The following JDP2 variants were observed in gnomAD, a reference collection of about 807,000 sequenced individuals.
The protein encoded by JDP2 is progesterone receptor co-activator.
Under a neutral mutation model 17.1 loss-of-function variants are expected in JDP2, and 9 were observed. The ratio of observed to expected loss-of-function variants is 0.53; its 90% CI spans 0.32 to 0.92. The LOEUF (loss-of-function observed/expected upper bound fraction) is 0.92, where lower values mean the gene tolerates loss of function less well. Among genes scored for constraint, JDP2 ranks in the 40% least tolerant of loss-of-function variants. The probability of loss-of-function intolerance (pLI) is 0.04; values close to 1 mark genes in which losing one functional copy is unlikely to be tolerated. For synonymous variants in JDP2, 107 were observed against 95.6 expected (o/e 1.12, Z -0.69); for missense variants, 179 against 220.0 (o/e 0.81, Z 1.18).
chr14:75,461,409 G>A lies in JDP2; in HGVS notation c.202-17G>A, dbSNP rs1295432604. 1 of 1,584,466 alleles carries A rather than the reference G, an allele frequency of 6.3e-7. No homozygotes were observed. ...AGCCTGCCTCAGTGTCTAATCAGTG[G>A]CTCTGTGCCCTCACAGCTAGATGAG... On this transcript the variant is annotated splice_polypyrimidine_tract_variant and intron_variant, in intron 2 of 3. Transcript: ENST00000651602.
chr14:75,456,824 C>T (rs911834369), intron 2 of JDP2, among the ~76,000 whole-genome samples: 1 of 152,192 alleles, frequency 6.6e-6, no homozygotes, highest in Non-Finnish European at 1.5e-5. Context: ...ATTCATGCCT[C>T]GTCCAGTCAG....
intron 1 of JDP2, chr14:75,432,098 C>CG (rs1430726805): frequency 3.8e-5 from 22 of 580,598 alleles, no homozygotes; most frequent in Non-Finnish European, 5.2e-5. Context: ...TCTTAACCCC[C>CG]CCTTCCTCTT....
chr14:75,438,042 G>T lies in JDP2; in HGVS notation c.122G>T (p.Arg41Leu). ...TVEELKYADI[R>L]NLGAMIAPLH... ...GAGGAGCTGAAATACGCTGACATCC[G>T]CAACCTCGGGGCCATGATTGCACCC... Residue 41 changes from arginine to leucine, a missense_variant, in exon 2 of 4, where the codon CGC becomes CTC. Physicochemically the swap from Arg to Leu is moderately radical, Grantham distance 102 (BLOSUM62 -2). Transcript: ENST00000651602. The T allele has an allele frequency of 6.2e-7, 1 of 1,613,868 alleles. No individual in the cohort carries two copies. Among genetic ancestry groups the T allele is most frequent in the Non-Finnish European group, 8.5e-7 (1 of 1,179,872 alleles).
chr14:75,446,094 C>T (rs764698872), intron 2 of JDP2, among the ~76,000 whole-genome samples: 2 of 152,028 alleles, frequency 1.3e-5, no homozygotes, highest in Non-Finnish European at 2.9e-5. Context: ...AAGTCAAAAA[C>T]CACAATGAGA....
chr14:75,438,520 A>T (rs963674429), intron 2 of JDP2, among the ~76,000 whole-genome samples: 2 of 152,110 alleles, frequency 1.3e-5, no homozygotes, highest in Non-Finnish European at 2.9e-5. Flanking sequence ...TAGACAAGAG[A>T]ATGCCAATAT....
intron 3 of JDP2, among the ~76,000 whole-genome samples, chr14:75,462,194 C>T (rs527332544): frequency 1.3e-5 from 2 of 152,332 alleles, no homozygotes; most frequent in South Asian, 4.1e-4. Flanking sequence ...TCTCCCAAGT[C>T]CTGCCTCTCA....
At chr14:75,460,555 T>G (rs1348282248) in intron 2 of JDP2, among the ~76,000 whole-genome samples, 4 of 152,126 alleles carry the variant, frequency 2.6e-5, no homozygotes, top group Non-Finnish European at 5.9e-5. Flanking sequence ...AGGAAGTGCC[T>G]GGGAACCACT....
chr14:75,465,032 G>A (rs1416302345), intron 3 of JDP2, among the ~76,000 whole-genome samples: 3 of 152,242 alleles, frequency 2.0e-5, no homozygotes, highest in Non-Finnish European at 4.4e-5. Flanking sequence ...AAGAGGAAAG[G>A]CAGTCCTATC....
intron 2 of JDP2, among the ~76,000 whole-genome samples, chr14:75,458,102 G>A (rs1418549787): frequency 1.3e-5 from 2 of 152,196 alleles, no homozygotes; most frequent in Non-Finnish European, 1.5e-5. Flanking sequence ...ACAAACCGAC[G>A]CTTGTGGTAG....
intron 3 of JDP2, among the ~76,000 whole-genome samples, chr14:75,468,159 TTGAC>T (rs1289449701): frequency 6.6e-6 from 1 of 152,180 alleles, no homozygotes; most frequent in Admixed American, 6.5e-5. Context: ...TGCTTGCTCT[TTGAC>T]TGATACAAGT....
At chr14:75,437,808 G>T (rs1013754579) in intron 1 of JDP2, 90 bp from the exon 2 acceptor site, 16 of 843,572 alleles carry the variant, frequency 1.9e-5, no homozygotes, top group Non-Finnish European at 2.8e-5. Context: ...ATTGGTGAAA[G>T]AAGCCACAGT....
chr14:75,452,775 G>A (rs766136782), intron 2 of JDP2, among the ~76,000 whole-genome samples: 2 of 152,160 alleles, frequency 1.3e-5, no homozygotes, highest in Non-Finnish European at 2.9e-5. Flanking sequence ...CTCACTAATG[G>A]TGAGTTACTT....
At chr14:75,463,978 G>C (rs2139996505) in intron 3 of JDP2, among the ~76,000 whole-genome samples, 1 of 152,370 alleles carries the variant, frequency 6.6e-6, no homozygotes, top group South Asian at 2.1e-4. Context: ...GCAATGTGGG[G>C]CACAGATTGA....
At chr14:75,460,424 G>C (rs1886302804) in intron 2 of JDP2, among the ~76,000 whole-genome samples, 1 of 152,216 alleles carries the variant, frequency 6.6e-6, no homozygotes, top group Non-Finnish European at 1.5e-5. Flanking sequence ...CATTGGGTAT[G>C]GAGGAGCGGG....
At chr14:75,459,099 G>A (rs1886235078) in intron 2 of JDP2, among the ~76,000 whole-genome samples, 2 of 152,212 alleles carry the variant, frequency 1.3e-5, no homozygotes, top group African/African-American at 2.4e-5. Context: ...GCCTTGGAGG[G>A]CAGAGGTTGG....
At chr14:75,464,622 A>G (rs1886494093) in intron 3 of JDP2, among the ~76,000 whole-genome samples, 1 of 152,210 alleles carries the variant, frequency 6.6e-6, no homozygotes, top group African/African-American at 2.4e-5. Flanking sequence ...CCAGTCGCCC[A>G]TGGCTACTGA....
intron 2 of JDP2, chr14:75,445,467 C>T (rs2139965565): frequency 3.0e-6 from 3 of 985,406 alleles, no homozygotes; most frequent in South Asian, 9.4e-5. Flanking sequence ...TGTAGTCCTC[C>T]CTACACCCTA....
At chr14:75,432,290 T>C (rs555717747) in intron 1 of JDP2, 32 of 1,550,482 alleles carry the variant, frequency 2.1e-5, no homozygotes, top group South Asian at 5.9e-5. Context: ...ATTCCTTAGC[T>C]CCAAGAAGAG....
In JDP2 at chr14:75,472,688, C is replaced by A. The variant is rs1381501198; in HGVS notation, c.*3213C>A. On this transcript the variant is annotated 3_prime_UTR_variant, in exon 4 of 4. Transcript: ENST00000651602. ...CAAAGTGTTTTGTGAAATAAAAGCT[C>A]CCTAAAATGGTAATTATTTTGTCCT... 1 of 152,212 alleles carries A rather than the reference C, an allele frequency of 6.6e-6. No homozygotes were observed. Among genetic ancestry groups the A allele is most frequent in the Non-Finnish European group, 1.5e-5 (1 of 68,036 alleles). The allele number at this position is 152,212 out of a possible 1,614,324, so 9.4% of individuals were successfully genotyped here.
Sources: gnomAD v4.1 joint callset for allele counts (sites outside exome capture counted in the v4.1 genomes callset) on GRCh38, gnomAD v4.1.1 for gene constraint, MANE v1.5 for transcripts, NCBI Gene and HGNC (gene_info 2026-07-23, HGNC 2026-07-21) for gene names.